The following G6PD variants were observed in gnomAD, a reference collection of about 807,000 sequenced individuals.
G6PD encodes glucose-6-phosphate dehydrogenase, also known as glucose-6-phosphate 1-dehydrogenase.
Under a neutral mutation model 38.2 loss-of-function variants are expected in G6PD, and 2 were observed. That is an observed-to-expected ratio of 0.05 (90% CI 0.02 to 0.16). The LOEUF is 0.16. Among genes scored for constraint, G6PD ranks in the 10% least tolerant of loss-of-function variants. The pLI is 1.00. For synonymous variants in G6PD, 188 were observed against 196.0 expected, an observed-to-expected ratio of 0.96 and a Z score of 0.34; for missense variants, 310 against 471.6, an observed-to-expected ratio of 0.66 and a Z score of 3.17.
intron 2 of G6PD, among the ~76,000 whole-genome samples, chrX:154,538,915 C>T (rs1463639748): frequency 6.7e-4 from 72 of 108,240 alleles, no homozygotes; most frequent in South Asian, 3.9e-4. Context: ...AGCTAGACGT[C>T]GTCTCAAAAA....
At chrX:154,537,283 C>T (rs1352828573) in intron 2 of G6PD, among the ~76,000 whole-genome samples, 3 of 110,971 alleles carry the variant, frequency 2.7e-5, no homozygotes, top group African/African-American at 6.6e-5. Flanking sequence ...CCAGCCTGGG[C>T]GACAAGAGTG....
At position 154,534,171 on chromosome X, in the gene G6PD, G is replaced by A. The variant is rs1557230237; in HGVS notation, c.645-11C>T. 1.7e-6 allele frequency: 2 copies of A among 1,211,906 alleles called. No homozygotes were observed. The highest frequency in any genetic ancestry group is 3.0e-5 in the East Asian group (1 of 33,852). On this transcript the variant is annotated splice_polypyrimidine_tract_variant and intron_variant, in intron 6 of 12. Coordinates refer to ENST00000393562, the MANE Select transcript of G6PD (RefSeq NM_001360016.2). ...ATCCTGTTGGCAAATCTGCAGGGAG[G>A]GGCAAGGTGGAGGAACTGACCTTGG...
chrX:154,540,595 G>A lies in G6PD; in HGVS notation c.121-4417C>T, dbSNP rs188962851. On this transcript the variant is annotated intron_variant, in intron 2 of 12. Coordinates refer to ENST00000393562, the MANE Select transcript of G6PD (RefSeq NM_001360016.2). The stretch of plus-strand genomic sequence containing the variant: ...GGAGGTTGCAGTGAGCCAAGATTGC[G>A]CCACCAAACTCCAGCCTGGGTGACA... 4.6e-4 allele frequency among the ~76,000 whole-genome samples: 45 copies of A among 96,803 alleles called. 1 individual carries two copies. The highest frequency in any genetic ancestry group is 1.2e-4 in the Admixed American group (1 of 8,024). 84.1% of individuals were successfully genotyped at this position (96,803 alleles called of 115,157 possible).
chrX:154,540,196 C>T (rs2070466529), intron 2 of G6PD, among the ~76,000 whole-genome samples: 3 of 108,696 alleles, frequency 2.8e-5, no homozygotes, highest in Admixed American at 9.8e-5. Flanking sequence ...ACAGGCCAGG[C>T]GCGGTGGCTC....
intron 2 of G6PD, 23 bp from the exon 3 acceptor site, chrX:154,536,201 G>A (rs1390329539): frequency 8.3e-7 from 1 of 1,204,078 alleles, no homozygotes; most frequent in Non-Finnish European, 1.1e-6. Context: ...GAACAGGTGT[G>A]TGGTTAGAAG....
intron 2 of G6PD, chrX:154,542,241 C>T (rs1557232084): frequency 9.9e-6 from 10 of 1,006,988 alleles, no homozygotes; most frequent in East Asian, 3.4e-5. Flanking sequence ...CATTGGGATG[C>T]GTCCTGAACG....
chrX:154,540,831 G>A (rs1435235353), intron 2 of G6PD, among the ~76,000 whole-genome samples: 2 of 111,214 alleles, frequency 1.8e-5, no homozygotes, highest in Non-Finnish European at 1.9e-5. Context: ...TGCCTTGTGT[G>A]CTTGCGCTCT....
Position 154,534,542 on chromosome X carries a change from G to A in G6PD, c.486-46C>T, listed in dbSNP as rs377372043. The A allele has an allele frequency of 5.0e-6, 6 of 1,197,984 alleles. No homozygotes were observed. In the African/African-American group the frequency reaches 1.1e-4, roughly 21 times the overall value. ...CGTTACCCCCTTGAACCCCTCTTCG[G>A]GGAGTGAGGATCAGAGCTGCATCAT... On this transcript the variant is annotated intron_variant, in intron 5 of 12. Transcript: ENST00000393562.
rs373930823 is a variant in G6PD at position 154,534,424 on chromosome X, G to A, written c.558C>T (p.His186=). 5 of 1,209,985 alleles carry A rather than the reference G, an allele frequency of 4.1e-6. No individual in the cohort carries two copies. Among genetic ancestry groups the A allele is most frequent in the East Asian group, 3.0e-5 (1 of 33,754 alleles). ...DLQSSDRLSN[H]ISSLFREDQI... ...GGTCCTCACGGAACAGGGAGGAGAT[G>A]TGGTTGGACAGCCGGTCAGAGCTCT... Residue 186 remains histidine (H), a synonymous_variant, in exon 6 of 13, where the codon CAC becomes CAT. Coordinates refer to ENST00000393562, the MANE Select transcript of G6PD (RefSeq NM_001360016.2).
At position 154,546,780 on chromosome X, in the gene G6PD, G is replaced by A. The variant is rs782395004; in HGVS notation, c.-9+9C>T. The A allele has an allele frequency of 8.7e-7, 1 of 1,155,993 alleles. No individual in the cohort carries two copies. The highest frequency in any genetic ancestry group is 1.9e-5 in the South Asian group (1 of 52,660). On this transcript the variant is annotated intron_variant, in intron 1 of 12. Transcript: ENST00000393562. ...CCTCCGCCTGCGCGGCGCCCGCCCG[G>A]CCGGTTACCTGCGCTTCGTCGTCGT...
chrX:154,542,512 C>T, intron 2 of G6PD: 1 of 1,123,515 alleles, frequency 8.9e-7, no homozygotes, highest in South Asian at 2.3e-5. Flanking sequence ...AGGAAGTGGC[C>T]CACTTGGTAA....
intron 5 of G6PD, 64 bp downstream of exon 5, chrX:154,535,104 A>G (rs2070391824): frequency 9.6e-7 from 1 of 1,046,448 alleles, no homozygotes; most frequent in South Asian, 1.9e-5. Flanking sequence ...ACGCTCATAG[A>G]GTGGTGGGAG....
At chrX:154,535,086 C>T (rs1469097353) in intron 5 of G6PD, 82 bp downstream of exon 5, 1 of 978,718 alleles carries the variant, frequency 1.0e-6, no homozygotes, top group Non-Finnish European at 1.5e-6. Context: ...AGATCCCCGG[C>T]CCCGGACACG....
chrX:154,545,418 T>A (rs1362831044), intron 2 of G6PD, among the ~76,000 whole-genome samples: 5 of 111,811 alleles, frequency 4.5e-5, no homozygotes, highest in Admixed American at 3.8e-4. Context: ...CATGAACAGG[T>A]CTGAAAAAAC....
chrX:154,536,074 G>A (rs782566791), intron 3 of G6PD, 29 bp from the exon 4 acceptor site: 1 of 1,205,488 alleles, frequency 8.3e-7, no homozygotes. Flanking sequence ...TGTAACCAGT[G>A]CGGGCAGGGC....
rs782758722 is a variant in G6PD at position 154,546,812 on chromosome X, C to A, written c.-32G>T. The A allele has an allele frequency of 5.0e-5, 58 of 1,162,041 alleles. 1 individual carries two copies. In the South Asian group the frequency reaches 9.5e-4, roughly 19 times the overall value. The stretch of plus-strand genomic sequence containing the variant: ...ACCTGCGCTTCGTCGTCGTCGCCCT[C>A]CGCGCTCGCAGCCCCGAAGTGTACG... On this transcript the variant is annotated 5_prime_UTR_variant, in exon 1 of 13. Transcript: ENST00000393562.
Position 154,532,279 on chromosome X carries a change from C to T in G6PD, c.1366G>A (p.Asp456Asn), listed in dbSNP as rs782317415. The T allele has an allele frequency of 8.3e-7, 1 of 1,211,463 alleles. No individual in the cohort carries two copies. The highest frequency in any genetic ancestry group is 3.0e-5 in the East Asian group (1 of 33,834). ...CGSQMHFVRS[D>N]ELREAWRIFT... is the part of the protein sequence containing the mutation. ...ATACGCCAGGCCTCACGGAGCTCGT[C>T]GCTGAGGGGACATGGTATGGCTTGG... The change falls in exon 12 of 13, where the codon GAC becomes AAC. Residue 456 changes from aspartate (D) to asparagine (N), a missense_variant and splice_region_variant. This residue lies in a region of G6PD where 168 missense variants were observed against 309.2 expected (regional missense o/e 0.54). Coordinates refer to ENST00000393562, the MANE Select transcript of G6PD (RefSeq NM_001360016.2).
rs147131392 is a variant in G6PD at position 154,532,609 on chromosome X, G to A, written c.1245C>T (p.Pro415=). 1.0e-4 allele frequency: 124 copies of A among 1,211,109 alleles called. No individual in the cohort carries two copies. The African/African-American group carries it at 1.8e-3, about 17-fold the overall frequency. The change falls in exon 10 of 13, where the codon CCC becomes CCT. Residue 415 remains proline (P), a synonymous_variant. Coordinates refer to ENST00000393562, the MANE Select transcript of G6PD (RefSeq NM_001360016.2). ...AGGTCAGGTCCAGCTCCGACTCCTC[G>A]GGGTTGAAGAACATGCCCGGCTTCT... is the stretch of plus-strand genomic sequence containing the variant. ...MTKKPGMFFN[P]EESELDLTYG...
intron 2 of G6PD, 45 bp downstream of exon 2, chrX:154,545,991 C>T: frequency 8.3e-7 from 1 of 1,205,008 alleles, no homozygotes; most frequent in South Asian, 1.8e-5. Flanking sequence ...AGGCATGGAG[C>T]AGGCACTTCC....
Sources: gnomAD v4.1 joint callset for allele counts (sites outside exome capture counted in the v4.1 genomes callset) on GRCh38, gnomAD v4.1.1 for gene constraint, gnomAD v4.1.1 regional missense constraint, MANE v1.5 for transcripts, NCBI Gene and HGNC (gene_info 2026-07-23, HGNC 2026-07-21) for gene names.